The following RIMBP2 variants were observed in gnomAD, a reference collection of about 807,000 sequenced individuals.
RIMBP2 encodes the protein RIMS binding protein 2.
A neutral mutation model predicts 118.6 loss-of-function variants in RIMBP2; 48 were observed. The ratio of observed to expected loss-of-function variants is 0.40; its 90% confidence interval spans 0.32 to 0.51. RIMBP2 has a LOEUF of 0.51. RIMBP2 is among the 20% of genes least tolerant of loss of function. The pLI, the probability that RIMBP2 is intolerant of heterozygous loss-of-function variation, is 0.41. For missense variants in RIMBP2, 1,551 were observed against 1,768.3 expected, an observed-to-expected ratio of 0.88 and a Z score of 2.20; for synonymous variants, 762 against 742.9, an observed-to-expected ratio of 1.03 and a Z score of -0.42.
Position 130,599,357 on chromosome 12 carries a change from A to G in RIMBP2, c.-217+28965T>C, listed in dbSNP as rs1194629241. 2.0e-5 allele frequency among the ~76,000 whole-genome samples: 3 copies of G among 152,244 alleles called. No individual in the cohort carries two copies. The South Asian group carries it at 6.2e-4, about 31-fold the overall frequency. ...AACATACTGGGAGAAGACATTTGCA[A>G]CTAATATATCTGACAAGAGAGCGTA... On this transcript the variant is annotated intron_variant, in intron 2 of 22. Coordinates refer to ENST00000690449, the MANE Select transcript of RIMBP2 (RefSeq NM_001393629.1).
In RIMBP2 at chr12:130,511,695, C is replaced by A. The variant is rs2138933073; in HGVS notation, c.-126-4925G>T. 6.6e-6 allele frequency among the ~76,000 whole-genome samples: 1 copy of A among 152,314 alleles called. No individual in the cohort carries two copies. Among genetic ancestry groups the A allele is most frequent in the East Asian group, 1.9e-4 (1 of 5,172 alleles). On this transcript the variant is annotated intron_variant, in intron 3 of 22. Coordinates refer to ENST00000690449, the MANE Select transcript of RIMBP2 (RefSeq NM_001393629.1). This position sits in a 1 kb window ranked among gnomAD's most constrained non-coding sequence, Gnocchi z 4.3. ...CCGTCTGTGACACGGTTCTGATGAG[C>A]CTGGAGCAGAAATCTCTAGAGGACA...
intron 2 of RIMBP2, among the ~76,000 whole-genome samples, chr12:130,530,650 C>A (rs2053273301): frequency 6.6e-6 from 1 of 152,142 alleles, no homozygotes; most frequent in Non-Finnish European, 1.5e-5. Context: ...GAAGGATGTG[C>A]CTCCTAGGAT....
intron 2 of RIMBP2, among the ~76,000 whole-genome samples, chr12:130,594,216 C>T (rs1004628829): frequency 1.3e-5 from 2 of 152,284 alleles, no homozygotes; most frequent in South Asian, 4.1e-4. Flanking sequence ...ATGTCAAGAC[C>T]CTGGCAAAGA....
intron 2 of RIMBP2, among the ~76,000 whole-genome samples, chr12:130,559,577 G>A (rs2056648077): frequency 1.3e-5 from 2 of 152,136 alleles, no homozygotes; most frequent in Admixed American, 1.3e-4. Flanking sequence ...GGGACACTTA[G>A]GTTGATCCTA....
chr12:130,715,615 G>C (rs1217938645), intron 1 of RIMBP2, among the ~76,000 whole-genome samples: 2 of 152,230 alleles, frequency 1.3e-5, no homozygotes, highest in Non-Finnish European at 2.9e-5. Flanking sequence ...CTCTGCCGGG[G>C]AACATCTGTT....
rs776253795 is a variant in RIMBP2, at chr12:130,617,261, C to T, written c.-217+11061G>A. On this transcript the variant is annotated intron_variant, in intron 2 of 22. Transcript: ENST00000690449. The surrounding 1 kb of genome is among the most constrained non-coding windows in gnomAD (Gnocchi z 4.6). ...CTTAGGGAACTAGAGCCCAGGCCCA[C>T]GCCCTGCAGCTGGGAGCTGCTGGAC... Among the ~76,000 whole-genome samples, 10 of 152,092 alleles carry T rather than the reference C, an allele frequency of 6.6e-5. No homozygotes were observed. Among genetic ancestry groups the T allele is most frequent in the African/African-American group, 9.7e-5 (4 of 41,414 alleles).
chr12:130,444,405 T>C (rs1178878380), intron 10 of RIMBP2, among the ~76,000 whole-genome samples: 1 of 152,008 alleles, frequency 6.6e-6, no homozygotes, highest in African/African-American at 2.4e-5. Context: ...GAAAACAGCA[T>C]GAGGTCACGA....
At chr12:130,566,535 T>C (rs1319025104) in intron 2 of RIMBP2, among the ~76,000 whole-genome samples, 3 of 152,190 alleles carry the variant, frequency 2.0e-5, no homozygotes, top group Non-Finnish European at 4.4e-5. Context: ...GAACAGCCTA[T>C]GGAGAGGTCC....
chr12:130,406,748 G>T (rs1444723112), intron 20 of RIMBP2, among the ~76,000 whole-genome samples: 1 of 152,164 alleles, frequency 6.6e-6, no homozygotes, highest in African/African-American at 2.4e-5. Flanking sequence ...TCGGGTTCAA[G>T]CAATTGTTCT....
At chr12:130,399,141 T>C in intron 22 of RIMBP2, 1 of 1,400,148 alleles carries the variant, frequency 7.1e-7, no homozygotes, top group Non-Finnish European at 9.3e-7. Context: ...CTGATTAAGG[T>C]GTGAAATGAA....
At chr12:130,541,547 C>T (rs953794451) in intron 2 of RIMBP2, among the ~76,000 whole-genome samples, 6 of 152,234 alleles carry the variant, frequency 3.9e-5, no homozygotes, top group Admixed American at 2.0e-4. Context: ...GACTTCCTTC[C>T]TCTCATTGAA....
intron 4 of RIMBP2, among the ~76,000 whole-genome samples, chr12:130,493,910 T>C (rs2048883614): frequency 6.6e-6 from 1 of 152,150 alleles, no homozygotes. Flanking sequence ...TCTGTTTCTC[T>C]CCTCTGTCCA....
intron 1 of RIMBP2, among the ~76,000 whole-genome samples, chr12:130,695,466 G>A (rs746481438): frequency 6.6e-6 from 1 of 152,098 alleles, no homozygotes; most frequent in Non-Finnish European, 1.5e-5. Context: ...TGAAGGCCAG[G>A]CATGCCGGCT....
At chr12:130,412,572 T>C in intron 19 of RIMBP2, 47 bp downstream of exon 19, 1 of 1,570,118 alleles carries the variant, frequency 6.4e-7, no homozygotes, top group Non-Finnish European at 8.7e-7. Context: ...GCAGGTGTTT[T>C]GTGGGATAAA....
In RIMBP2 at chr12:130,635,963, C is replaced by G. The variant is rs146050368; in HGVS notation, c.-351-7507G>C. On this transcript the variant is annotated intron_variant, in intron 1 of 22. Coordinates refer to ENST00000690449, the MANE Select transcript of RIMBP2 (RefSeq NM_001393629.1). ...TGCAAAACGGAAATCTATGTCCCTCCCCTGCCAAAGCCCCTCTGCCTTCCA... is the reference window on the plus strand; with the variant it reads ...TGCAAAACGGAAATCTATGTCCCTCGCCTGCCAAAGCCCCTCTGCCTTCCA... Among the ~76,000 whole-genome samples, 1,314 of 152,234 alleles carry G rather than the reference C, an allele frequency of 8.6e-3. 11 individuals carry two copies. Among genetic ancestry groups the G allele is most frequent in the South Asian group, 0.034 (163 of 4,812 alleles).
intron 1 of RIMBP2, among the ~76,000 whole-genome samples, chr12:130,689,769 T>C (rs2065231172): frequency 6.6e-6 from 1 of 152,186 alleles, no homozygotes; most frequent in Non-Finnish European, 1.5e-5. Context: ...GTAGAGAGGC[T>C]GTGTTCATTT....
chr12:130,406,097 C>T (rs2075146626), intron 21 of RIMBP2, 75 bp downstream of exon 21: 5 of 959,354 alleles, frequency 5.2e-6, no homozygotes, highest in Non-Finnish European at 6.6e-6. Flanking sequence ...AAGGAACGGA[C>T]TAGCAAAACA....
Position 130,646,226 on chromosome 12 carries a change from ACCACCTGCCTCT to A in RIMBP2, c.-351-17782_-351-17771del, listed in dbSNP as rs1385104363. ...CTCCACCTCCCTCTCCACCTCCCTC[ACCACCTGCCTCT>A]CCACCTCCCTCACCACTTCCCTCTC... On this transcript the variant is annotated intron_variant, in intron 1 of 22. Transcript: ENST00000690449. Among the ~76,000 whole-genome samples, 14 of 21,690 alleles carry A rather than the reference ACCACCTGCCTCT, an allele frequency of 6.5e-4. 6 individuals carry two copies. Among genetic ancestry groups the A allele is most frequent in the African/African-American group, 1.5e-3 (7 of 4,568 alleles). The allele number at this position is 21,690 out of a possible 152,430, so 14.2% of individuals were successfully genotyped here. A position where few individuals can be genotyped will look rare whatever the true frequency, so the allele number is the denominator to read the frequency against.
chr12:130,633,543 C>T lies in RIMBP2; in HGVS notation c.-351-5087G>A, dbSNP rs116734494. 5.4e-3 allele frequency among the ~76,000 whole-genome samples: 823 copies of T among 152,220 alleles called. 8 individuals are homozygous for T. The highest frequency in any genetic ancestry group is 0.019 in the African/African-American group (780 of 41,526). On this transcript the variant is annotated intron_variant, in intron 1 of 22. Transcript: ENST00000690449. ...ACCAAGGGTCTTTTCTAGCCTGATA[C>T]AAGGCCTGAGGACAGATTTGGAACA...
Sources: gnomAD v4.1 joint callset for allele counts (sites outside exome capture counted in the v4.1 genomes callset) on GRCh38, gnomAD v4.1.1 for gene constraint, Gnocchi (gnomAD v3.1) non-coding constraint, MANE v1.5 for transcripts, NCBI Gene and HGNC (gene_info 2026-07-23, HGNC 2026-07-21) for gene names.